RTL4: variants seen among roughly 807,000 people sequenced by gnomAD.
RTL4 encodes the protein retrotransposon Gag-like protein 4.
RTL4 carries 4 observed loss-of-function variants against 5.3 expected under a neutral mutation model. The ratio of observed to expected loss-of-function variants is 0.75; its 90% CI spans 0.37 to 1.72. The LOEUF (loss-of-function observed/expected upper bound fraction) is 1.72. Among genes scored for constraint, RTL4 ranks in the 40% most tolerant of loss-of-function variants. RTL4 has a pLI of 0.04. For missense variants in RTL4, 260 were observed against 227.1 expected (o/e 1.14, Z -0.93); for synonymous variants, 98 against 87.3 (o/e 1.12, Z -0.68).
chrX:112,195,228 CA>C, the RTL4 span, among the ~76,000 whole-genome samples: 9 of 111,740 alleles, frequency 8.1e-5, no homozygotes, highest in African/African-American at 2.9e-4. Flanking sequence ...TGGTGACTAT[CA>C]TATTCCCTAG....
At chrX:112,408,956 G>T in the RTL4 span, among the ~76,000 whole-genome samples, 6 of 111,945 alleles carry the variant, frequency 5.4e-5, no homozygotes, top group Admixed American at 5.7e-4. Flanking sequence ...GAGAAATAAA[G>T]ACTTTCCCCG....
the RTL4 span, among the ~76,000 whole-genome samples, chrX:112,375,272 C>T: frequency 2.3e-3 from 256 of 111,007 alleles, 2 homozygotes; most frequent in Non-Finnish European, 1.6e-3. Flanking sequence ...GATCATGACC[C>T]AGTTGAGGCG....
At chrX:112,084,217 G>A in the RTL4 span, among the ~76,000 whole-genome samples, 1 of 111,263 alleles carries the variant, frequency 9.0e-6, no homozygotes, top group Non-Finnish European at 1.9e-5. Context: ...GAAGCCCTAA[G>A]CACTCTCCTC....
At chrX:112,193,301 A>T in the RTL4 span, among the ~76,000 whole-genome samples, 179 of 111,209 alleles carry the variant, frequency 1.6e-3, 1 homozygote, top group African/African-American at 5.7e-3. Context: ...TTCCAAATCT[A>T]CTATTCTAGT....
the RTL4 span, among the ~76,000 whole-genome samples, chrX:112,276,540 G>C: frequency 9.0e-6 from 1 of 111,701 alleles, no homozygotes; most frequent in African/African-American, 3.3e-5. Flanking sequence ...AAATTAATTT[G>C]ACCTCAGAAC....
the RTL4 span, among the ~76,000 whole-genome samples, chrX:112,217,500 A>C: frequency 8.9e-6 from 1 of 111,800 alleles, no homozygotes; most frequent in Non-Finnish European, 1.9e-5. Context: ...CAATTCTGCC[A>C]ATTACTTTCT....
the RTL4 span, among the ~76,000 whole-genome samples, chrX:112,123,987 C>T: frequency 9.3e-6 from 1 of 108,047 alleles, no homozygotes; most frequent in East Asian, 2.9e-4. Context: ...AACAAATTTA[C>T]AAGAAAAAAA....
chrX:112,326,094 G>A, the RTL4 span, among the ~76,000 whole-genome samples: 1 of 111,991 alleles, frequency 8.9e-6, no homozygotes, highest in Non-Finnish European at 1.9e-5. Context: ...AAACCACAAT[G>A]AGATACCATC....
At chrX:112,175,761 A>G in the RTL4 span, among the ~76,000 whole-genome samples, 1 of 111,144 alleles carries the variant, frequency 9.0e-6, no homozygotes, top group African/African-American at 3.3e-5. Flanking sequence ...TCACAAACCC[A>G]CAGCCAATAT....
At chrX:112,394,668 T>G in the RTL4 span, among the ~76,000 whole-genome samples, 3 of 112,179 alleles carry the variant, frequency 2.7e-5, no homozygotes, top group Non-Finnish European at 5.6e-5. Context: ...TGAATAAAGT[T>G]CAAATTTAAA....
At chrX:112,211,900 T>C in the RTL4 span, among the ~76,000 whole-genome samples, 4 of 111,844 alleles carry the variant, frequency 3.6e-5, no homozygotes, top group South Asian at 3.8e-4. Flanking sequence ...ATTGTGGGAA[T>C]TGCTACGGAA....
chrX:112,403,792 G>T, the RTL4 span, among the ~76,000 whole-genome samples: 1 of 111,961 alleles, frequency 8.9e-6, no homozygotes, highest in African/African-American at 3.2e-5. Flanking sequence ...AACTATAAAT[G>T]GGTTAAATAT....
At chrX:112,294,879 A>G in the RTL4 span, among the ~76,000 whole-genome samples, 1 of 111,915 alleles carries the variant, frequency 8.9e-6, no homozygotes. Flanking sequence ...TTTTAATAAT[A>G]GATGACCTCA....
the RTL4 span, among the ~76,000 whole-genome samples, chrX:112,272,844 G>C: frequency 9.0e-6 from 1 of 111,007 alleles, no homozygotes; most frequent in South Asian, 3.8e-4. Flanking sequence ...CCTGGCCTAA[G>C]TGTGCCTATT....
At chrX:112,090,476 CT>C in the RTL4 span, among the ~76,000 whole-genome samples, 192 of 110,727 alleles carry the variant, frequency 1.7e-3, 1 homozygote, top group African/African-American at 5.9e-3. Context: ...TTTGTCAGAT[CT>C]TTTTTTTCCT....
At chrX:112,333,210 T>C in the RTL4 span, among the ~76,000 whole-genome samples, 1 of 110,733 alleles carries the variant, frequency 9.0e-6, no homozygotes, top group Non-Finnish European at 1.9e-5. Flanking sequence ...AGAAGAACAG[T>C]GGTTACCAGG....
the RTL4 span, among the ~76,000 whole-genome samples, chrX:112,151,704 A>G: frequency 3.1e-4 from 35 of 111,917 alleles, no homozygotes; most frequent in African/African-American, 9.7e-4. Context: ...AGTTTAATTT[A>G]TTCCTACAGT....
the RTL4 span, among the ~76,000 whole-genome samples, chrX:112,281,091 T>C: frequency 9.0e-6 from 1 of 111,662 alleles, no homozygotes; most frequent in African/African-American, 3.3e-5. Context: ...ATAGATTTCT[T>C]AAACTTATTT....
the RTL4 span, among the ~76,000 whole-genome samples, chrX:112,087,854 A>G: frequency 9.0e-6 from 1 of 111,546 alleles, no homozygotes; most frequent in Non-Finnish European, 1.9e-5. Context: ...ACTAACTGCT[A>G]ATTTCCTTTC....
Sources: allele counts gnomAD v4.1 joint callset (sites outside exome capture counted in the v4.1 genomes callset), GRCh38; gene constraint gnomAD v4.1.1; transcripts MANE v1.5; gene names NCBI Gene and HGNC (gene_info 2026-07-23, HGNC 2026-07-21).